Variants in SETD2 observed in about 807,000 individuals in gnomAD.
SETD2 encodes the protein SET domain containing 2, histone lysine methyltransferase.
SETD2 carries 31 observed loss-of-function variants against 242.1 expected under a neutral mutation model. That is an observed-to-expected ratio of 0.13 (90% CI 0.10 to 0.17). The LOEUF (loss-of-function observed/expected upper bound fraction) is 0.17, where lower values mean the gene tolerates loss of function less well. Ranked by LOEUF, SETD2 falls within the 10% of genes least tolerant of loss-of-function variation. SETD2 has a pLI of 1.00. For synonymous variants in SETD2, 1,006 were observed against 1,066.5 expected, an observed-to-expected ratio of 0.94 and a Z score of 1.11; for missense variants, 2,481 against 3,046.3, an observed-to-expected ratio of 0.81 and a Z score of 4.37.
chr3:47,142,438 G>A (rs752997424), intron 1 of SETD2, among the ~76,000 whole-genome samples: 3 of 152,058 alleles, frequency 2.0e-5, no homozygotes, highest in Admixed American at 6.6e-5. Context: ...GAGCCCCAGA[G>A]GCCAAGGGTG....
chr3:47,112,331 G>GAGT (rs2042687416), intron 5 of SETD2, among the ~76,000 whole-genome samples: 1 of 152,026 alleles, frequency 6.6e-6, no homozygotes, highest in Non-Finnish European at 1.5e-5. Flanking sequence ...ACCCAGGATG[G>GAGT]AGTACAATGG....
In SETD2 at chr3:47,122,222, C is replaced by A. The variant is rs1226560181; in HGVS notation, c.2414G>T (p.Cys805Phe). 3 of 1,614,100 alleles carry A rather than the reference C, an allele frequency of 1.9e-6. No individual in the cohort carries two copies. Among genetic ancestry groups the A allele is most frequent in the Non-Finnish European group, 2.5e-6 (3 of 1,179,982 alleles). The stretch of plus-strand genomic sequence containing the variant: ...CTCAATATTTTCAGCTTCAGAGTTA[C>A]ACAAAGAAGGGTTGCTATCGTTCAA... Reference protein sequence around the residue: ...CTLNDSNPSLCNSEAENIEPS... With the variant: ...CTLNDSNPSLFNSEAENIEPS... The change falls in exon 3 of 21, where the codon TGT becomes TTT. Residue 805 changes from cysteine to phenylalanine, a missense_variant. By Grantham distance (205) the Cys-to-Phe change is radical. Coordinates refer to ENST00000409792, the MANE Select transcript of SETD2 (RefSeq NM_014159.7).
rs745647650 is a variant in SETD2, at chr3:47,122,374, T to G, written c.2262A>C (p.Ser754=). ...TAGACATGAGTTTATCTTGGTGTGG[T>G]GACACCAGAGGTTCTGTTTCTCTAA... ...SPFRETEPLV[S]PHQDKLMSMP... The change falls in exon 3 of 21, where the codon TCA becomes TCC. Residue 754 remains serine, a synonymous_variant. Coordinates refer to ENST00000409792, the MANE Select transcript of SETD2 (RefSeq NM_014159.7). The G allele has an allele frequency of 1.9e-6, 3 of 1,613,818 alleles. No homozygotes were observed. In the South Asian group the frequency reaches 3.3e-5, roughly 18 times the overall value.
At chr3:47,112,057 AC>A (rs1271791790) in intron 5 of SETD2, among the ~76,000 whole-genome samples, 1 of 151,920 alleles carries the variant, frequency 6.6e-6, no homozygotes, top group Non-Finnish European at 1.5e-5. Context: ...TCAACCATAA[AC>A]ACATGTAATC....
intron 8 of SETD2, among the ~76,000 whole-genome samples, chr3:47,100,259 T>C (rs2042158246): frequency 1.3e-5 from 2 of 151,434 alleles, no homozygotes; most frequent in African/African-American, 4.9e-5. Flanking sequence ...TAGTTTTTTG[T>C]TCGTTTGCTT....
chr3:47,118,343 T>A (rs2042942203), intron 3 of SETD2, among the ~76,000 whole-genome samples: 1 of 152,160 alleles, frequency 6.6e-6, no homozygotes, highest in South Asian at 2.1e-4. Flanking sequence ...AGAAAAATGT[T>A]TTCATTATAT....
In SETD2 at chr3:47,123,602, A is replaced by G. The variant is rs2106707723; in HGVS notation, c.1034T>C (p.Ile345Thr). Residue 345 changes from isoleucine to threonine, a missense_variant, in exon 3 of 21, where the codon ATT becomes ACT. Coordinates refer to ENST00000409792, the MANE Select transcript of SETD2 (RefSeq NM_014159.7). The part of the protein sequence containing the change: ...RSHDLKFSAS[I>T]EKERDFKKSS... Reference sequence around the variant, plus strand: ...CTTTTTAAAATCTCTTTCCTTTTCAATGCTTGCTGAAAATTTTAAATCATG... The same window carrying G: ...CTTTTTAAAATCTCTTTCCTTTTCAGTGCTTGCTGAAAATTTTAAATCATG... 2 of 1,550,068 alleles carry G rather than the reference A, an allele frequency of 1.3e-6. No individual in the cohort carries two copies. The highest frequency in any genetic ancestry group is 1.7e-6 in the Non-Finnish European group (2 of 1,146,688).
chr3:47,027,336 CAAA>C (rs145911577), intron 18 of SETD2, among the ~76,000 whole-genome samples: 3 of 103,738 alleles, frequency 2.9e-5, no homozygotes, highest in Non-Finnish European at 5.2e-5. Flanking sequence ...GACTCCATCT[CAAA>C]AAAAAAAAAA....
chr3:47,137,981 T>C (rs1487945907), intron 1 of SETD2, among the ~76,000 whole-genome samples: 4 of 150,832 alleles, frequency 2.7e-5, no homozygotes, highest in South Asian at 4.2e-4. Context: ...ATCACTTTCT[T>C]TTTTTTTTGA....
chr3:47,123,261 A>C lies in SETD2; in HGVS notation c.1375T>G (p.Ser459Ala), dbSNP rs1406617602. 6.4e-7 allele frequency: 1 copy of C among 1,553,140 alleles called. No homozygotes were observed. Among genetic ancestry groups the C allele is most frequent in the East Asian group, 2.4e-5 (1 of 40,956 alleles). Residue 459 changes from serine (S) to alanine (A), a missense_variant, in exon 3 of 21, where the codon TCT becomes GCT. Around this residue, in one of 17 missense-constraint regions of SETD2, gnomAD observed 1,300 missense variants for 1,259.2 expected, o/e 1.03. Coordinates refer to ENST00000409792, the MANE Select transcript of SETD2 (RefSeq NM_014159.7). ...TTCTTATACTCTTCTTCTGAGTCAG[A>C]ACTCTCTCGTGCTCTGTTATCTGTG... ...PYTDNRARES[S>A]DSEEEYKKTY... is the part of the protein sequence containing the mutation.
chr3:47,092,561 T>C (rs1423824371), intron 9 of SETD2, among the ~76,000 whole-genome samples: 3 of 149,616 alleles, frequency 2.0e-5, no homozygotes, highest in Non-Finnish European at 4.4e-5. Context: ...AGATAGTATA[T>C]ATTTACTATA....
chr3:47,019,675 AGATATTC>A, intron 19 of SETD2, 78 bp downstream of exon 19: 1 of 1,140,958 alleles, frequency 8.8e-7, no homozygotes, highest in Non-Finnish European at 1.3e-6. Context: ...GGGGCAAAGG[AGATATTC>A]GACATACTTA....
chr3:47,049,226 G>A (rs980974888), intron 15 of SETD2, among the ~76,000 whole-genome samples: 1 of 149,110 alleles, frequency 6.7e-6, no homozygotes, highest in African/African-American at 2.5e-5. Context: ...TTACAGATGT[G>A]AGACAACACA....
chr3:47,033,652 ATTT>A (rs34978514), intron 18 of SETD2, among the ~76,000 whole-genome samples: 3 of 90,856 alleles, frequency 3.3e-5, no homozygotes, highest in African/African-American at 4.5e-5. Context: ...TCATGGTTTG[ATTT>A]TTTTTTTTTT....
chr3:47,151,827 C>CAA (rs11360089), intron 1 of SETD2, among the ~76,000 whole-genome samples: 11 of 99,900 alleles, frequency 1.1e-4, no homozygotes, highest in African/African-American at 1.9e-4. Flanking sequence ...ACTCTTGTCT[C>CAA]AAAAAAAAAA....
At chr3:47,104,898 G>C (rs564917282) in intron 6 of SETD2, among the ~76,000 whole-genome samples, 16 of 152,248 alleles carry the variant, frequency 1.1e-4, no homozygotes, top group African/African-American at 3.8e-4. Flanking sequence ...CCTTGGAGCA[G>C]CTGTAACTAG....
At chr3:47,107,391 C>T (rs1206310338) in intron 5 of SETD2, among the ~76,000 whole-genome samples, 1 of 151,768 alleles carries the variant, frequency 6.6e-6, no homozygotes, top group Non-Finnish European at 1.5e-5. Context: ...CAATTAAAAA[C>T]AAATGAGAAA....
chr3:47,146,015 C>CAAAAAAAA (rs1171574770), intron 1 of SETD2, among the ~76,000 whole-genome samples: 3 of 38,676 alleles, frequency 7.8e-5, no homozygotes, highest in Admixed American at 4.1e-4. Flanking sequence ...GACCCTGTCT[C>CAAAAAAAA]AAAAAAAAAA....
rs1253096918 is a variant in SETD2, at chr3:47,122,100, T to C, written c.2536A>G (p.Lys846Glu). ...TGCTTATATTCTTCACATGCAAATT[T>C]TGAGTGATCTGTCAAATTTCTACTA... Reference protein sequence around the residue: ...CDSRNLTDHSKFACEEYKQSI... With the variant: ...CDSRNLTDHSEFACEEYKQSI... Residue 846 changes from lysine (K) to glutamate (E), a missense_variant, in exon 3 of 21, where the codon AAA (lysine) becomes GAA (glutamate). This residue lies in a region of SETD2 where 1,300 missense variants were observed against 1,259.2 expected (regional missense o/e 1.03). Coordinates refer to ENST00000409792, the MANE Select transcript of SETD2 (RefSeq NM_014159.7). 1.2e-6 allele frequency: 2 copies of C among 1,613,976 alleles called. No homozygotes were observed. The highest frequency in any genetic ancestry group is 1.7e-5 in the Admixed American group (1 of 60,016).
Sources: gnomAD v4.1 joint callset for allele counts (sites outside exome capture counted in the v4.1 genomes callset) on GRCh38, gnomAD v4.1.1 for gene constraint, gnomAD v4.1.1 regional missense constraint, MANE v1.5 for transcripts, NCBI Gene and HGNC (gene_info 2026-07-23, HGNC 2026-07-21) for gene names.